The following NTN4 variants were observed in gnomAD, a reference collection of about 807,000 sequenced individuals.
NTN4 encodes netrin-4.
Under a neutral mutation model 73.6 loss-of-function variants are expected in NTN4, and 32 were observed. That is an observed-to-expected ratio of 0.44 (90% CI 0.33 to 0.58). The LOEUF (loss-of-function observed/expected upper bound fraction) is 0.58, where lower values mean the gene tolerates loss of function less well. Ranked by LOEUF, NTN4 falls within the 20% of genes least tolerant of loss-of-function variation. The pLI, the probability that NTN4 is intolerant of heterozygous loss-of-function variation, is 0.04. For synonymous variants in NTN4, 258 were observed against 287.5 expected (o/e 0.90, Z 1.04); for missense variants, 654 against 798.3 (o/e 0.82, Z 2.18).
At chr12:95,701,883 AG>A (rs1394797622) in intron 5 of NTN4, among the ~76,000 whole-genome samples, 14 of 152,150 alleles carry the variant, frequency 9.2e-5, no homozygotes, top group African/African-American at 3.1e-4. Context: ...CAACATGCCC[AG>A]GTACGTATTT....
intron 2 of NTN4, among the ~76,000 whole-genome samples, chr12:95,740,450 C>T (rs1010561045): frequency 3.9e-5 from 6 of 152,186 alleles, no homozygotes; most frequent in Non-Finnish European, 8.8e-5. Flanking sequence ...CCTCTTAATA[C>T]ACACTCCCAA....
chr12:95,681,689 A>G (rs1345885640), intron 7 of NTN4, among the ~76,000 whole-genome samples: 2 of 152,218 alleles, frequency 1.3e-5, no homozygotes, highest in Admixed American at 1.3e-4. Flanking sequence ...GAGGATTCAT[A>G]CCACTATCAT....
chr12:95,700,149 A>G (rs2078473797), intron 5 of NTN4, among the ~76,000 whole-genome samples: 1 of 115,696 alleles, frequency 8.6e-6, no homozygotes, highest in South Asian at 2.9e-4. Flanking sequence ...CTGGTTGTGT[A>G]GTGCAGTGGT....
At chr12:95,767,911 C>T (rs1176523071) in intron 2 of NTN4, among the ~76,000 whole-genome samples, 2 of 152,078 alleles carry the variant, frequency 1.3e-5, no homozygotes, top group South Asian at 2.1e-4. Flanking sequence ...GAAATCACAC[C>T]GACCAACTGC....
chr12:95,754,743 C>G (rs1312255868), intron 2 of NTN4, among the ~76,000 whole-genome samples: 2 of 152,104 alleles, frequency 1.3e-5, no homozygotes, highest in Non-Finnish European at 2.9e-5. Context: ...TTTCCATTAC[C>G]TTCCCAAATC....
chr12:95,761,559 C>G (rs182078367), intron 2 of NTN4, among the ~76,000 whole-genome samples: 1 of 152,090 alleles, frequency 6.6e-6, no homozygotes. Context: ...TCTCGAACTC[C>G]TGACCTGAAG....
At chr12:95,751,854 AC>A (rs1173975131) in intron 2 of NTN4, among the ~76,000 whole-genome samples, 18 of 81,890 alleles carry the variant, frequency 2.2e-4, no homozygotes, top group Admixed American at 4.1e-4. Flanking sequence ...ACCTCTTAAA[AC>A]TCCCCAACTC....
intron 7 of NTN4, among the ~76,000 whole-genome samples, chr12:95,675,485 G>GTT (rs2120963157): frequency 6.6e-6 from 1 of 151,908 alleles, no homozygotes; most frequent in East Asian, 1.9e-4. Flanking sequence ...ATAAAATGTT[G>GTT]GGAAAATTAT....
intron 3 of NTN4, among the ~76,000 whole-genome samples, chr12:95,719,767 T>A (rs909639788): frequency 1.2e-4 from 19 of 152,186 alleles, no homozygotes; most frequent in African/African-American, 4.3e-4. Context: ...GTAGAAGTTC[T>A]ATGGTGAATA....
rs200728319 is a variant in NTN4 at position 95,710,482 on chromosome 12, C to T, written c.1139G>A (p.Arg380His). ...YCQRCKPGFYRDLRRPFSAPD... is the reference protein window; with the variant it reads ...YCQRCKPGFYHDLRRPFSAPD... ...AGCTGAGAAGGGTCTCCGCAGGTCA[C>T]GATAGAAGCCTGGCTTGCACCTCTG... Residue 380 changes from arginine to histidine, a missense_variant, in exon 5 of 10, where the codon CGT (arginine) becomes CAT (histidine). By Grantham distance (29) the Arg-to-His change is conservative. Transcript: ENST00000343702. 1.0e-4 allele frequency: 161 copies of T among 1,613,962 alleles called. No individual in the cohort carries two copies. Among genetic ancestry groups the T allele is most frequent in the Non-Finnish European group, 1.2e-4 (145 of 1,180,002 alleles).
intron 5 of NTN4, among the ~76,000 whole-genome samples, chr12:95,698,794 C>T (rs1444272717): frequency 2.0e-5 from 3 of 151,892 alleles, no homozygotes; most frequent in Non-Finnish European, 1.5e-5. Context: ...GAGTTTGAGG[C>T]TGCAATGAGC....
At chr12:95,765,889 G>C (rs1342309066) in intron 2 of NTN4, among the ~76,000 whole-genome samples, 1 of 152,140 alleles carries the variant, frequency 6.6e-6, no homozygotes, top group Non-Finnish European at 1.5e-5. Flanking sequence ...TTCGAGATTT[G>C]AGTGTGCAAT....
At chr12:95,672,555 C>A in intron 7 of NTN4, 1 of 1,525,370 alleles carries the variant, frequency 6.6e-7, no homozygotes. Flanking sequence ...GTAATGAGGA[C>A]TTGGCGCCTC....
chr12:95,678,525 A>C (rs1397132845), intron 7 of NTN4, among the ~76,000 whole-genome samples: 1 of 152,188 alleles, frequency 6.6e-6, no homozygotes, highest in Non-Finnish European at 1.5e-5. Flanking sequence ...AATGACATTT[A>C]CTTGATAAAG....
intron 2 of NTN4, among the ~76,000 whole-genome samples, chr12:95,750,221 G>A (rs1565906914): frequency 7.6e-6 from 1 of 131,576 alleles, no homozygotes; most frequent in Non-Finnish European, 1.6e-5. Flanking sequence ...TTATTTCCGT[G>A]CCCCGACCTC....
At chr12:95,732,396 C>CTT (rs35575824) in intron 3 of NTN4, among the ~76,000 whole-genome samples, 3,930 of 112,750 alleles carry the variant, frequency 0.035, 301 homozygotes, top group African/African-American at 0.12. Flanking sequence ...CTTTCTTCCT[C>CTT]TTTTTTTTTT....
At chr12:95,710,360 T>C (rs2254316) in intron 5 of NTN4, 81 bp downstream of exon 5, 957,138 of 1,177,082 alleles carry the variant, frequency 0.81, 388,204 homozygotes, top group South Asian at 0.86. Context: ...ACCTCCTTCT[T>C]TTGGGTTAGC....
intron 5 of NTN4, among the ~76,000 whole-genome samples, chr12:95,698,582 G>C (rs1461232770): frequency 2.6e-5 from 4 of 152,166 alleles, no homozygotes; most frequent in African/African-American, 4.8e-5. Flanking sequence ...GGGTGTAGTG[G>C]CTCCAGCCTG....
At chr12:95,728,891 G>A (rs2078714990) in intron 3 of NTN4, among the ~76,000 whole-genome samples, 1 of 152,150 alleles carries the variant, frequency 6.6e-6, no homozygotes, top group Non-Finnish European at 1.5e-5. Flanking sequence ...GTTCTCAAGT[G>A]ATCTGGTTGT....
Sources: gnomAD v4.1 joint callset for allele counts (sites outside exome capture counted in the v4.1 genomes callset) on GRCh38, gnomAD v4.1.1 for gene constraint, MANE v1.5 for transcripts, NCBI Gene and HGNC (gene_info 2026-07-23, HGNC 2026-07-21) for gene names.